Variants in DST observed in about 807,000 individuals in gnomAD.
DST encodes the protein dystonin, also known as bullous pemphigoid antigen.
DST carries 253 observed loss-of-function variants against 875.2 expected under a neutral mutation model. That is an observed-to-expected ratio of 0.29 (90% CI 0.26 to 0.32). The LOEUF is 0.32. Ranked by LOEUF, DST falls within the 10% of genes least tolerant of loss-of-function variation. The probability of loss-of-function intolerance (pLI) is 1.00; values close to 1 mark genes in which losing one functional copy is unlikely to be tolerated. For missense variants in DST, 8,287 were observed against 9,111.6 expected, an observed-to-expected ratio of 0.91 and a Z score of 3.68; for synonymous variants, 3,124 against 3,197.1, an observed-to-expected ratio of 0.98 and a Z score of 0.77.
intron 61 of DST, among the ~76,000 whole-genome samples, chr6:56,546,055 A>G (rs2097215224): frequency 6.6e-6 from 1 of 152,080 alleles, no homozygotes; most frequent in African/African-American, 2.4e-5. Flanking sequence ...TATTTATTTC[A>G]TGGGAATACA....
intron 5 of DST, among the ~76,000 whole-genome samples, chr6:56,724,437 A>G (rs2099437415): frequency 6.6e-6 from 1 of 152,218 alleles, no homozygotes; most frequent in African/African-American, 2.4e-5. Flanking sequence ...TTGTTGGTTT[A>G]AAAAATAATA....
intron 103 of DST, 34 bp downstream of exon 103, chr6:56,460,097 A>G (rs1050583386): frequency 6.3e-7 from 1 of 1,578,358 alleles, no homozygotes; most frequent in African/African-American, 1.4e-5. Flanking sequence ...CCATGCTGCA[A>G]AAGCCATTGA....
intron 47 of DST, among the ~76,000 whole-genome samples, chr6:56,596,007 T>TTTTA (rs1554444162): frequency 2.1e-5 from 3 of 145,786 alleles, no homozygotes; most frequent in Non-Finnish European, 4.4e-5. Flanking sequence ...ACTTTCTTTC[T>TTTTA]TTTATTTATT....
chr6:56,781,100 C>A (rs566509403), intron 4 of DST, among the ~76,000 whole-genome samples: 1 of 150,812 alleles, frequency 6.6e-6, no homozygotes, highest in Non-Finnish European at 1.5e-5. Context: ...GTTTTGGTAC[C>A]AGTACCATGC....
At chr6:56,509,541 T>A in intron 74 of DST, 101 bp downstream of exon 74, 1 of 871,770 alleles carries the variant, frequency 1.1e-6, no homozygotes, top group Non-Finnish European at 1.8e-6. Context: ...TTGTAGTATC[T>A]TTTTTAAGAT....
intron 36 of DST, chr6:56,614,963 A>C: frequency 1.0e-6 from 1 of 993,332 alleles, no homozygotes; most frequent in Non-Finnish European, 1.2e-6. Context: ...TCAAGTGCGA[A>C]GACTTAACTA....
chr6:56,638,499 T>C (rs1322896702), intron 22 of DST, among the ~76,000 whole-genome samples: 1 of 152,158 alleles, frequency 6.6e-6, no homozygotes, highest in African/African-American at 2.4e-5. Context: ...ATGACAACTT[T>C]CAGGACCAGC....
Position 56,646,143 on chromosome 6 carries a change from T to A in DST, c.1594A>T (p.Ile532Phe), listed in dbSNP as rs2098941462. 1 of 1,530,584 alleles carries A rather than the reference T, an allele frequency of 6.5e-7. No individual in the cohort carries two copies. The highest frequency in any genetic ancestry group is 1.4e-5 in the African/African-American group (1 of 72,288). 94.8% of individuals were successfully genotyped at this position (1,530,584 alleles called of 1,614,324 possible). A position where few individuals can be genotyped will look rare whatever the true frequency, so the allele number is the denominator to read the frequency against. The change falls in exon 14 of 104, where the codon ATT (isoleucine) becomes TTT (phenylalanine). Residue 532 changes from isoleucine (I) to phenylalanine (F), a missense_variant. Around this residue, in one of 10 missense-constraint regions of DST, gnomAD observed 1,160 missense variants for 1,424.3 expected, o/e 0.81. Coordinates refer to ENST00000680361, the MANE Select transcript of DST (RefSeq NM_001374736.1). ...GATTTTTCTGTCTCCTTTGGTGGAA[T>A]TTCTGTTTCTTTAAACTGTAAATAC... is the stretch of plus-strand genomic sequence containing the variant. ...NQYLQFKETE[I>F]PPKETEKSKI...
intron 80 of DST, among the ~76,000 whole-genome samples, chr6:56,499,476 T>C (rs1028247387): frequency 6.6e-6 from 1 of 152,156 alleles, no homozygotes; most frequent in African/African-American, 2.4e-5. Context: ...GAGAGTTCTA[T>C]AAAATTCATT....
In DST at chr6:56,820,185, G is replaced by C. The variant is rs548238955; in HGVS notation, c.625+31212C>G. Among the ~76,000 whole-genome samples the C allele has an allele frequency of 3.0e-3, 462 of 152,280 alleles. 2 individuals are homozygous for C. The highest frequency in any genetic ancestry group is 0.011 in the African/African-American group (441 of 41,544). On this transcript the variant is annotated intron_variant, in intron 4 of 103. Coordinates refer to ENST00000680361, the MANE Select transcript of DST (RefSeq NM_001374736.1). ...TTAACCACTATGTGATTCAACTATA[G>C]CAACTGCAAAATAAGGATACTTTAA... is the stretch of plus-strand genomic sequence containing the variant.
chr6:56,747,096 T>C (rs1315712916), intron 4 of DST, among the ~76,000 whole-genome samples: 1 of 152,156 alleles, frequency 6.6e-6, no homozygotes, highest in East Asian at 1.9e-4. Flanking sequence ...TTACTGAGAA[T>C]ATAGTCAGAA....
chr6:56,523,154 T>G (rs998508276), intron 69 of DST, among the ~76,000 whole-genome samples: 2 of 152,096 alleles, frequency 1.3e-5, no homozygotes, highest in African/African-American at 4.8e-5. Flanking sequence ...ATACCCTTTT[T>G]AGAATATCAA....
intron 90 of DST, among the ~76,000 whole-genome samples, chr6:56,480,778 G>A (rs569282532): frequency 5.9e-5 from 9 of 152,258 alleles, no homozygotes; most frequent in Non-Finnish European, 7.4e-5. Context: ...TGTGAGAGTG[G>A]TGATACCACA....
rs113135440 is a variant in DST at position 56,473,239 on chromosome 6, TA to T, written c.21994+633del. Among the ~76,000 whole-genome samples the T allele has an allele frequency of 2.4e-3, 361 of 152,336 alleles. 1 individual carries two copies. The highest frequency in any genetic ancestry group is 8.6e-3 in the African/African-American group (356 of 41,570). ...TAGTTTACCTTGTCTCCTTGTGTAGTAAGTAATTACAATAGCTCCGACATCA... is the reference window on the plus strand; with the variant it reads ...TAGTTTACCTTGTCTCCTTGTGTAGTAGTAATTACAATAGCTCCGACATCA... On this transcript the variant is annotated intron_variant, in intron 93 of 103. Coordinates refer to ENST00000680361, the MANE Select transcript of DST (RefSeq NM_001374736.1).
chr6:56,539,242 C>T (rs557131083), intron 61 of DST, among the ~76,000 whole-genome samples: 13 of 151,908 alleles, frequency 8.6e-5, no homozygotes, highest in African/African-American at 3.1e-4. Flanking sequence ...TTCTAAAGTG[C>T]CCCCAAAAAT....
chr6:56,950,327 T>TAA (rs1452047177), intron 2 of DST, among the ~76,000 whole-genome samples: 2 of 152,176 alleles, frequency 1.3e-5, no homozygotes, highest in African/African-American at 4.8e-5. Flanking sequence ...TTTACCACTA[T>TAA]TCACTCTGGA....
At chr6:56,871,621 G>C (rs1777142638) in intron 3 of DST, 1 of 760,690 alleles carries the variant, frequency 1.3e-6, no homozygotes, top group African/African-American at 1.7e-5. Context: ...AGCTCTCTCT[G>C]CCACATCGAG....
chr6:56,609,053 G>T lies in DST; in HGVS notation c.5575C>A (p.Leu1859Ile). 6.2e-7 allele frequency: 1 copy of T among 1,613,852 alleles called. No homozygotes were observed. ...SPTTIPVLDA[L>I]AQSMITESMA... is the part of the protein sequence containing the mutation. Reference sequence around the variant, plus strand: ...GATTCTGTTATCATGCTTTGAGCTAGAGCATCCAGTACTGGAATTGTGGTA... The same window carrying T: ...GATTCTGTTATCATGCTTTGAGCTATAGCATCCAGTACTGGAATTGTGGTA... Residue 1859 changes from leucine (L) to isoleucine (I), a missense_variant, in exon 40 of 104, where the codon CTA becomes ATA. By Grantham distance (5) the Leu-to-Ile change is conservative. This residue lies in a region of DST where 3,138 missense variants were observed against 3,116.6 expected (regional missense o/e 1.01). Coordinates refer to ENST00000680361, the MANE Select transcript of DST (RefSeq NM_001374736.1).
chr6:56,728,107 G>A (rs11968575), intron 5 of DST, among the ~76,000 whole-genome samples: 35,892 of 151,998 alleles, frequency 0.24, 5,503 homozygotes, highest in African/African-American at 0.43. Context: ...AAAACTATAA[G>A]TTGACCACAA....
Sources: allele counts gnomAD v4.1 joint callset (sites outside exome capture counted in the v4.1 genomes callset), GRCh38; gene constraint gnomAD v4.1.1; regional missense constraint gnomAD v4.1.1; transcripts MANE v1.5; gene names NCBI Gene and HGNC (gene_info 2026-07-23, HGNC 2026-07-21).